Variants in LGR6 observed in about 807,000 individuals in gnomAD.
LGR6 encodes leucine rich repeat containing G protein-coupled receptor 6, also known as leucine-rich repeat-containing G protein-coupled receptor 6.
A neutral mutation model predicts 69.4 loss-of-function variants in LGR6; 45 were observed. The ratio of observed to expected loss-of-function variants is 0.65; its 90% CI spans 0.51 to 0.83. The LOEUF (loss-of-function observed/expected upper bound fraction) is 0.83, where lower values mean the gene tolerates loss of function less well. Among genes scored for constraint, LGR6 ranks in the 40% least tolerant of loss-of-function variants. The pLI, the probability that LGR6 is intolerant of heterozygous loss-of-function variation, is 0.00. For missense variants in LGR6, 1,108 were observed against 1,246.7 expected (o/e 0.89, Z 1.68); for synonymous variants, 538 against 555.0 (o/e 0.97, Z 0.43).
At chr1:202,210,536 C>G (rs886396381) in intron 1 of LGR6, among the ~76,000 whole-genome samples, 1 of 152,116 alleles carries the variant, frequency 6.6e-6, no homozygotes, top group African/African-American at 2.4e-5. Flanking sequence ...AACCTGGCTC[C>G]ACCACAGGCA....
chr1:202,235,978 C>T lies in LGR6; in HGVS notation c.413C>T (p.Pro138Leu), dbSNP rs749850205. 7 of 1,613,670 alleles carry T rather than the reference C, an allele frequency of 4.3e-6. No homozygotes were observed. In the Admixed American group the frequency reaches 5.0e-5, roughly 12 times the overall value. The change falls in exon 4 of 18, where the codon CCG becomes CTG. Residue 138 changes from proline to leucine, a missense_variant. Pro to Leu is a moderately conservative substitution (Grantham distance 98). Transcript: ENST00000367278. ...GIPAEALWELPSLQSLRLDAN... is the reference protein window; with the variant it reads ...GIPAEALWELLSLQSLRLDAN... ...CCCGCAGAGGCGCTGTGGGAGCTGC[C>T]GAGCCTGCAGTCGCTGTGAGTCATT...
At chr1:202,220,912 T>G (rs1448762603) in intron 1 of LGR6, among the ~76,000 whole-genome samples, 1 of 152,146 alleles carries the variant, frequency 6.6e-6, no homozygotes, top group Non-Finnish European at 1.5e-5. Flanking sequence ...CTATGTGAGG[T>G]GATGACTATC....
At position 202,312,966 on chromosome 1, in the gene LGR6, C is replaced by T. The variant is rs566923233; in HGVS notation, c.1568-1836C>T. On this transcript the variant is annotated intron_variant, in intron 16 of 17. Transcript: ENST00000367278. ...GTGTAAGGCCGGGCACGGTGGCTCA[C>T]GCCTGTAATCCCAGCACTTTGGGAG... Among the ~76,000 whole-genome samples the T allele has an allele frequency of 3.6e-4, 55 of 152,148 alleles. 1 individual carries two copies. In the South Asian group the frequency reaches 0.011, roughly 32 times the overall value.
At chr1:202,217,555 G>A (rs1659867914) in intron 1 of LGR6, among the ~76,000 whole-genome samples, 1 of 152,012 alleles carries the variant, frequency 6.6e-6, no homozygotes, top group South Asian at 2.1e-4. Context: ...GAATGAATTG[G>A]GTCACCTTCG....
At chr1:202,194,817 A>G (rs916447440) in intron 1 of LGR6, among the ~76,000 whole-genome samples, 2 of 151,972 alleles carry the variant, frequency 1.3e-5, no homozygotes, top group Non-Finnish European at 2.9e-5. Context: ...TGGCTCCCCC[A>G]GGGGCCTCCC....
chr1:202,206,889 T>TTTTTTTTA (rs1012281193), intron 1 of LGR6, among the ~76,000 whole-genome samples: 3 of 141,276 alleles, frequency 2.1e-5, no homozygotes, highest in African/African-American at 8.0e-5. Context: ...CTGCAAATTA[T>TTTTTTTTA]TTTATTTATT....
In LGR6 at chr1:202,203,909, G is replaced by C. The variant is rs148898262; in HGVS notation, c.212+9708G>C. On this transcript the variant is annotated intron_variant, in intron 1 of 17. Coordinates refer to ENST00000367278, the MANE Select transcript of LGR6 (RefSeq NM_001017403.2). ...TTGCATGAAGCAAGATCCTCCTTGG[G>C]GGGTGTTTAGCACAGAGGGGGTGCG... 2,534 of 1,520,746 alleles carry C rather than the reference G, an allele frequency of 1.7e-3. 40 individuals are homozygous for C. In the African/African-American group the frequency reaches 0.029, roughly 17 times the overall value. The allele number at this position is 1,520,746 out of a possible 1,614,324, so 94.2% of individuals were successfully genotyped here. A position where few individuals can be genotyped will look rare whatever the true frequency, so the allele number is the denominator to read the frequency against.
intron 4 of LGR6, among the ~76,000 whole-genome samples, chr1:202,272,455 A>G (rs1449319759): frequency 6.6e-6 from 1 of 152,122 alleles, no homozygotes; most frequent in African/African-American, 2.4e-5. Flanking sequence ...AAGTACCAGG[A>G]GCAGGGCAGC....
At chr1:202,222,027 C>A (rs1660192045) in intron 1 of LGR6, among the ~76,000 whole-genome samples, 1 of 152,250 alleles carries the variant, frequency 6.6e-6, no homozygotes, top group Non-Finnish European at 1.5e-5. Flanking sequence ...TGTGCAGGCA[C>A]AGCCTCCCCA....
At chr1:202,200,144 C>A (rs1344506427) in intron 1 of LGR6, among the ~76,000 whole-genome samples, 3 of 152,318 alleles carry the variant, frequency 2.0e-5, no homozygotes, top group Admixed American at 2.0e-4. Flanking sequence ...TGCTCTTGGG[C>A]TCCTGGGCCG....
At chr1:202,225,356 A>T in intron 1 of LGR6, 67 bp from the exon 2 acceptor site, 1 of 1,463,000 alleles carries the variant, frequency 6.8e-7, no homozygotes, top group South Asian at 1.1e-5. Flanking sequence ...GGGGGTTGGC[A>T]CCTGGACAGT....
At chr1:202,203,963 G>A in intron 1 of LGR6, 1 of 903,286 alleles carries the variant, frequency 1.1e-6, no homozygotes, top group Non-Finnish European at 1.9e-6. Flanking sequence ...ATACCAGGTA[G>A]TATTATGTTC....
At chr1:202,311,905 C>T (rs1239625775) in intron 16 of LGR6, among the ~76,000 whole-genome samples, 2 of 152,152 alleles carry the variant, frequency 1.3e-5, no homozygotes, top group African/African-American at 4.8e-5. Context: ...TGTATTAACA[C>T]ACCTCCCTAG....
intron 4 of LGR6, among the ~76,000 whole-genome samples, chr1:202,264,733 C>T (rs533848012): frequency 5.9e-5 from 9 of 152,198 alleles, no homozygotes; most frequent in Non-Finnish European, 1.3e-4. Flanking sequence ...CTGTCTCCCT[C>T]CTGGAGGGTG....
chr1:202,310,359 T>C lies in LGR6; in HGVS notation c.1567+2T>C. The C allele has an allele frequency of 1.2e-6, 2 of 1,613,024 alleles. No homozygotes were observed. The highest frequency in any genetic ancestry group is 2.2e-5 in the South Asian group (2 of 91,018). ...TTGCCAGACAAGCAGAGAACCACTGTGAGTGACCAGGGGCCCTGGGTTGGG... is the reference window on the plus strand; with the variant it reads ...TTGCCAGACAAGCAGAGAACCACTGCGAGTGACCAGGGGCCCTGGGTTGGG... On this transcript the variant is annotated splice_donor_variant, in intron 16 of 17. Coordinates refer to ENST00000367278, the MANE Select transcript of LGR6 (RefSeq NM_001017403.2). LOFTEE classifies it high-confidence loss of function.
At chr1:202,300,955 A>C (rs1430736229) in intron 8 of LGR6, 35 bp downstream of exon 8, 1 of 1,564,146 alleles carries the variant, frequency 6.4e-7, no homozygotes, top group African/African-American at 1.4e-5. Context: ...TTAATGCCGA[A>C]CAGTGTTTCA....
intron 1 of LGR6, among the ~76,000 whole-genome samples, chr1:202,206,906 TTTA>T (rs1357339950): frequency 2.1e-4 from 17 of 80,356 alleles, no homozygotes; most frequent in Non-Finnish European, 5.5e-4. Context: ...TATTTATTTA[TTTA>T]TTTATTTATT....
chr1:202,249,779 G>T (rs895744606), intron 4 of LGR6, among the ~76,000 whole-genome samples: 5 of 152,022 alleles, frequency 3.3e-5, no homozygotes, highest in Non-Finnish European at 7.4e-5. Context: ...CTTCCTGGTG[G>T]CCACCATTGT....
intron 4 of LGR6, among the ~76,000 whole-genome samples, chr1:202,273,657 A>G (rs1171966724): frequency 6.6e-6 from 1 of 151,438 alleles, no homozygotes; most frequent in Non-Finnish European, 1.5e-5. Flanking sequence ...GGGTTTCGCT[A>G]TGTTGGTCAG....
Sources: gnomAD v4.1 joint callset for allele counts (sites outside exome capture counted in the v4.1 genomes callset) on GRCh38, gnomAD v4.1.1 for gene constraint, MANE v1.5 for transcripts, NCBI Gene and HGNC (gene_info 2026-07-23, HGNC 2026-07-21) for gene names.